PNISR: variants seen among roughly 807,000 people sequenced by gnomAD.
The protein encoded by PNISR is PNN interacting serine and arginine rich protein.
A neutral mutation model predicts 93.4 loss-of-function variants in PNISR; 20 were observed. The ratio of observed to expected loss-of-function variants is 0.21; its 90% CI spans 0.15 to 0.31. The LOEUF (loss-of-function observed/expected upper bound fraction) is 0.31, where lower values mean the gene tolerates loss of function less well. Among genes scored for constraint, PNISR ranks in the 10% least tolerant of loss-of-function variants. The pLI is 1.00. For missense variants in PNISR, 893 were observed against 985.4 expected (o/e 0.91, Z 1.25); for synonymous variants, 305 against 306.5 (o/e 0.99, Z 0.05).
At chr6:99,407,653 T>C (rs1427779413) in intron 7 of PNISR, among the ~76,000 whole-genome samples, 1 of 152,210 alleles carries the variant, frequency 6.6e-6, no homozygotes, top group East Asian at 1.9e-4. Context: ...CTGAGGAAGA[T>C]TTGAAGACTT....
intron 9 of PNISR, chr6:99,404,377 G>C: frequency 1.9e-6 from 1 of 520,052 alleles, no homozygotes. Flanking sequence ...ACATTTTAGA[G>C]GAAAACAGCA....
chr6:99,425,289 C>T lies in PNISR; in HGVS notation c.-186G>A, dbSNP rs1014401696. On this transcript the variant is annotated 5_prime_UTR_variant, in exon 1 of 12. Coordinates refer to ENST00000369239, the MANE Select transcript of PNISR (RefSeq NM_032870.4). Reference sequence around the variant, plus strand: ...TCCAACGCTTTCGATGCTTCTACTTCTTCGGGAACAAGACAAGATGGCGCC... The same window carrying T: ...TCCAACGCTTTCGATGCTTCTACTTTTTCGGGAACAAGACAAGATGGCGCC... 8.9e-6 allele frequency: 11 copies of T among 1,232,026 alleles called. No individual in the cohort carries two copies. The highest frequency in any genetic ancestry group is 4.1e-5 in the South Asian group (1 of 24,326). 76.3% of individuals were successfully genotyped at this position (1,232,026 alleles called of 1,614,324 possible).
chr6:99,410,986 A>G, intron 4 of PNISR, 22 bp from the exon 5 acceptor site: 4 of 1,556,902 alleles, frequency 2.6e-6, no homozygotes, highest in Non-Finnish European at 3.5e-6. Context: ...TTAGGCATAA[A>G]AACATTCAAC....
At chr6:99,419,312 A>G (rs1167544594) in intron 1 of PNISR, among the ~76,000 whole-genome samples, 2 of 152,114 alleles carry the variant, frequency 1.3e-5, no homozygotes, top group Non-Finnish European at 2.9e-5. Flanking sequence ...AAAAATTGGC[A>G]GCATATTTTG....
intron 7 of PNISR, among the ~76,000 whole-genome samples, chr6:99,407,500 T>C (rs565155983): frequency 6.6e-6 from 1 of 152,066 alleles, no homozygotes; most frequent in Non-Finnish European, 1.5e-5. Flanking sequence ...CAAAATCTAG[T>C]TATTTTGCTC....
chr6:99,401,974 G>T (rs936201574), intron 11 of PNISR, among the ~76,000 whole-genome samples: 2 of 152,102 alleles, frequency 1.3e-5, no homozygotes, highest in Admixed American at 6.6e-5. Context: ...AGTTAGTTAC[G>T]TTACCCTCCT....
rs765857763 is a variant in PNISR at position 99,409,157 on chromosome 6, T to C, written c.673+16A>G. On this transcript the variant is annotated intron_variant, in intron 6 of 11. Transcript: ENST00000369239. ...TCATGCCAATTGTGGTCCACTAAAC[T>C]AAGTTAAATAGCTACCAATTTGTGG... 3 of 1,608,060 alleles carry C rather than the reference T, an allele frequency of 1.9e-6. No individual in the cohort carries two copies. Among genetic ancestry groups the C allele is most frequent in the Admixed American group, 1.7e-5 (1 of 59,906 alleles).
chr6:99,405,047 G>A (rs991122411), intron 8 of PNISR, among the ~76,000 whole-genome samples: 1 of 152,012 alleles, frequency 6.6e-6, no homozygotes, highest in Admixed American at 6.5e-5. Flanking sequence ...CCAAAGCACT[G>A]GGATTACAGG....
At position 99,415,504 on chromosome 6, in the gene PNISR, C is replaced by T. The variant is rs143768093; in HGVS notation, c.-31-814G>A. 2.5e-4 allele frequency: 38 copies of T among 152,252 alleles called. No individual in the cohort carries two copies. The East Asian group carries it at 6.9e-3, about 28-fold the overall frequency. The allele number at this position is 152,252 out of a possible 1,614,324, so 9.4% of individuals were successfully genotyped here. The stretch of plus-strand genomic sequence containing the variant: ...GAGATGGTATGGGGGGGAATCATCA[C>T]ACTAGCCCAACTTTTCTGTAAGCTA... On this transcript the variant is annotated intron_variant, in intron 2 of 11. Transcript: ENST00000369239.
In PNISR at chr6:99,401,341, G is replaced by A; in HGVS notation, c.1617C>T (p.Ser539=). The change falls in exon 12 of 12, where the codon AGC becomes AGT. Residue 539 remains serine (S), a synonymous_variant. Transcript: ENST00000369239. ...GAGAAGAAGTACGACTACTACCTGA[G>A]CTAGAACTGTATGAAGAGCTAGAGA... ...STVSSSSYSS[S]SGSSRTSSRS... is the part of the protein sequence containing the mutation. 7 of 1,613,944 alleles carry A rather than the reference G, an allele frequency of 4.3e-6. No individual in the cohort carries two copies. The highest frequency in any genetic ancestry group is 5.1e-6 in the Non-Finnish European group (6 of 1,179,920).
intron 3 of PNISR, among the ~76,000 whole-genome samples, chr6:99,414,068 G>A (rs1180187253): frequency 6.6e-6 from 1 of 152,186 alleles, no homozygotes; most frequent in South Asian, 2.1e-4. Flanking sequence ...AGTGAGGGCA[G>A]AGCAACGTAA....
Position 99,411,566 on chromosome 6 carries a change from T to C in PNISR, c.278-602A>G, listed in dbSNP as rs114634876. On this transcript the variant is annotated intron_variant, in intron 4 of 11. Transcript: ENST00000369239. ...GCTAGAAATGAACCACCTCACAGTA[T>C]CAAAGACTAGAATATTTATGTTTTT... is the stretch of plus-strand genomic sequence containing the variant. 5.6e-3 allele frequency among the ~76,000 whole-genome samples: 850 copies of C among 152,240 alleles called. 9 individuals are homozygous for C. Among genetic ancestry groups the C allele is most frequent in the African/African-American group, 0.02 (817 of 41,524 alleles).
Position 99,419,152 on chromosome 6 carries a change from C to CAAAAAAAAAA in PNISR, c.-111-2734_-111-2725dup, listed in dbSNP as rs1166838873. On this transcript the variant is annotated intron_variant, in intron 1 of 11. Coordinates refer to ENST00000369239, the MANE Select transcript of PNISR (RefSeq NM_032870.4). The stretch of plus-strand genomic sequence containing the variant: ...TGGGTGCCAGAGCGAGACTCCGTCT[C>CAAAAAAAAAA]AAAAAAAAAAAAAAAAAAAAAAAAA... 4.0e-3 allele frequency among the ~76,000 whole-genome samples: 80 copies of CAAAAAAAAAA among 19,820 alleles called. 26 individuals carry two copies. The highest frequency in any genetic ancestry group is 7.5e-3 in the Admixed American group (7 of 928). The allele number at this position is 19,820 out of a possible 152,430, so 13.0% of individuals were successfully genotyped here.
At position 99,410,847 on chromosome 6, in the gene PNISR, C is replaced by T; in HGVS notation, c.395G>A (p.Gly132Glu). 3 of 1,614,048 alleles carry T rather than the reference C, an allele frequency of 1.9e-6. No homozygotes were observed. The highest frequency in any genetic ancestry group is 2.5e-6 in the Non-Finnish European group (3 of 1,179,950). ...PSEDSNSQDS[G>E]EFAPDNRHIF... Reference sequence around the variant, plus strand: ...ATGCCTGTTGTCAGGGGCAAATTCCCCACTGTCCTGACTGTTGCTGTCTTC... The same window carrying T: ...ATGCCTGTTGTCAGGGGCAAATTCCTCACTGTCCTGACTGTTGCTGTCTTC... The change falls in exon 5 of 12, where the codon GGG (glycine) becomes GAG (glutamate). Residue 132 changes from glycine (G) to glutamate (E), a missense_variant. Physicochemically the swap from Gly to Glu is moderately conservative, Grantham distance 98. Around this residue, in one of 3 missense-constraint regions of PNISR, gnomAD observed 866 missense variants for 935.1 expected, o/e 0.93. Coordinates refer to ENST00000369239, the MANE Select transcript of PNISR (RefSeq NM_032870.4).
At chr6:99,404,242 T>C (rs1049021806) in intron 9 of PNISR, 5 of 368,968 alleles carry the variant, frequency 1.4e-5, no homozygotes, top group African/African-American at 2.1e-5. Context: ...AAACTAAAAA[T>C]TGTAGGTAGA....
intron 1 of PNISR, among the ~76,000 whole-genome samples, chr6:99,422,728 G>C (rs950395241): frequency 1.3e-5 from 2 of 152,008 alleles, no homozygotes; most frequent in Non-Finnish European, 2.9e-5. Flanking sequence ...ACAGAAATTA[G>C]CTGGGCATGG....
chr6:99,418,381 C>T (rs951228670), intron 1 of PNISR, among the ~76,000 whole-genome samples: 1 of 151,810 alleles, frequency 6.6e-6, no homozygotes, highest in Admixed American at 6.6e-5. Context: ...AATGATCTAC[C>T]CACCTCAGCC....
At chr6:99,405,448 C>T (rs973964250) in intron 8 of PNISR, among the ~76,000 whole-genome samples, 1 of 152,146 alleles carries the variant, frequency 6.6e-6, no homozygotes, top group Non-Finnish European at 1.5e-5. Context: ...GCCTGGGCAA[C>T]AGAGCGAGAC....
At chr6:99,420,542 A>C (rs942935976) in intron 1 of PNISR, among the ~76,000 whole-genome samples, 2 of 152,224 alleles carry the variant, frequency 1.3e-5, no homozygotes, top group African/African-American at 2.4e-5. Context: ...CTTCATCTTC[A>C]CCATAGTATC....
Sources: gnomAD v4.1 joint callset for allele counts (sites outside exome capture counted in the v4.1 genomes callset) on GRCh38, gnomAD v4.1.1 for gene constraint, gnomAD v4.1.1 regional missense constraint, MANE v1.5 for transcripts, NCBI Gene and HGNC (gene_info 2026-07-23, HGNC 2026-07-21) for gene names.